Variants in ADGRL3 observed in about 807,000 individuals in gnomAD.
The protein encoded by ADGRL3 is adhesion G protein-coupled receptor L3, also known as calcium-independent alpha-latrotoxin receptor 3.
ADGRL3 carries 62 observed loss-of-function variants against 153.5 expected under a neutral mutation model. That is an observed-to-expected ratio of 0.40 (90% CI 0.33 to 0.50). The LOEUF (loss-of-function observed/expected upper bound fraction) is 0.50, where lower values mean the gene tolerates loss of function less well. ADGRL3 is among the 20% of genes least tolerant of loss of function. ADGRL3 has a pLI of 0.47. For synonymous variants in ADGRL3, 710 were observed against 672.5 expected, an observed-to-expected ratio of 1.06 and a Z score of -0.86; for missense variants, 1,641 against 1,859.4, an observed-to-expected ratio of 0.88 and a Z score of 2.16.
intron 1 of ADGRL3, among the ~76,000 whole-genome samples, chr4:61,368,236 G>C (rs2096446659): frequency 6.6e-6 from 1 of 152,052 alleles, no homozygotes; most frequent in Non-Finnish European, 1.5e-5. Flanking sequence ...AAGCTCTTTA[G>C]TTTAATTAGA....
chr4:61,930,427 A>G (rs1345826420), intron 13 of ADGRL3, among the ~76,000 whole-genome samples: 1 of 152,194 alleles, frequency 6.6e-6, no homozygotes, highest in African/African-American at 2.4e-5. Flanking sequence ...TTTCACAAAT[A>G]CATCCTCTTG....
In ADGRL3 at chr4:61,349,172, T is replaced by G. The variant is rs367926953; in HGVS notation, c.-239-33952T>G. On this transcript the variant is annotated intron_variant, in intron 1 of 26. Transcript: ENST00000683033. ...CCATGTGTAAAATTGGCAGGACTAG[T>G]TTTAAAAATAACAGAACATTTTGAA... Among the ~76,000 whole-genome samples the G allele has an allele frequency of 7.9e-5, 12 of 152,144 alleles. No individual in the cohort carries two copies. The South Asian group carries it at 2.5e-3, about 32-fold the overall frequency.
At chr4:61,781,331 CAAAA>C (rs71281828) in intron 8 of ADGRL3, among the ~76,000 whole-genome samples, 6 of 64,422 alleles carry the variant, frequency 9.3e-5, no homozygotes, top group African/African-American at 6.6e-5. Context: ...ATTCTGCCTC[CAAAA>C]AAAAAAAAAA....
At chr4:61,551,094 A>G (rs941060347) in intron 4 of ADGRL3, among the ~76,000 whole-genome samples, 1 of 152,122 alleles carries the variant, frequency 6.6e-6, no homozygotes. Flanking sequence ...ACATGTTAGT[A>G]GGCTGTAAGT....
At chr4:61,828,169 G>A (rs1020596879) in intron 9 of ADGRL3, among the ~76,000 whole-genome samples, 1 of 152,186 alleles carries the variant, frequency 6.6e-6, no homozygotes, top group African/African-American at 2.4e-5. Flanking sequence ...AATGGTCCAT[G>A]CCTTTTCTTT....
At chr4:61,964,018 T>C (rs940084060) in intron 17 of ADGRL3, among the ~76,000 whole-genome samples, 14 of 152,202 alleles carry the variant, frequency 9.2e-5, no homozygotes, top group African/African-American at 3.1e-4. Flanking sequence ...GATTATCTCA[T>C]TTAATCCATA....
At chr4:61,729,880 G>A (rs1389645158) in intron 6 of ADGRL3, among the ~76,000 whole-genome samples, 1 of 151,978 alleles carries the variant, frequency 6.6e-6, no homozygotes, top group Non-Finnish European at 1.5e-5. Context: ...ATAAGTGTAT[G>A]TTGACTCTGT....
chr4:61,995,732 G>A (rs1349522885), intron 19 of ADGRL3, among the ~76,000 whole-genome samples: 2 of 152,090 alleles, frequency 1.3e-5, no homozygotes, highest in Admixed American at 6.5e-5. Context: ...GGGATGCTAA[G>A]GATCATTTGC....
At chr4:61,750,354 G>A (rs530644116) in intron 8 of ADGRL3, among the ~76,000 whole-genome samples, 1 of 152,254 alleles carries the variant, frequency 6.6e-6, no homozygotes, top group East Asian at 1.9e-4. Flanking sequence ...TAATTAAAAT[G>A]TCACATACGT....
At chr4:61,587,139 AC>A in intron 4 of ADGRL3, 87 bp from the exon 5 acceptor site, 1 of 768,970 alleles carries the variant, frequency 1.3e-6, no homozygotes, top group Non-Finnish European at 2.1e-6. Flanking sequence ...GTATTGATTT[AC>A]CCCAAACATT....
intron 6 of ADGRL3, among the ~76,000 whole-genome samples, chr4:61,695,559 G>A (rs2095626649): frequency 6.6e-6 from 1 of 152,068 alleles, no homozygotes; most frequent in Non-Finnish European, 1.5e-5. Context: ...CCATGATTCT[G>A]AATTGCCCTA....
chr4:61,708,169 A>G (rs2095888243), intron 6 of ADGRL3, among the ~76,000 whole-genome samples: 1 of 152,116 alleles, frequency 6.6e-6, no homozygotes, highest in East Asian at 1.9e-4. Flanking sequence ...CATGAAAAGT[A>G]TCATGTGAAT....
At chr4:61,514,877 A>G (rs1286354876) in intron 3 of ADGRL3, among the ~76,000 whole-genome samples, 2 of 152,000 alleles carry the variant, frequency 1.3e-5, no homozygotes, top group African/African-American at 2.4e-5. Context: ...GATTTTTTTC[A>G]TTTAGATACA....
intron 2 of ADGRL3, among the ~76,000 whole-genome samples, chr4:61,403,795 G>C (rs1200314417): frequency 6.6e-6 from 1 of 152,024 alleles, no homozygotes; most frequent in South Asian, 2.1e-4. Context: ...TAGGTAGGTG[G>C]CGTGAGTATT....
chr4:61,432,217 A>G (rs1404606142), intron 2 of ADGRL3, among the ~76,000 whole-genome samples: 2 of 152,194 alleles, frequency 1.3e-5, no homozygotes, highest in Admixed American at 1.3e-4. Flanking sequence ...AAAAAGCTTG[A>G]TTCTTTAAAA....
At chr4:62,041,865 T>G (rs748207282) in intron 24 of ADGRL3, among the ~76,000 whole-genome samples, 1 of 152,032 alleles carries the variant, frequency 6.6e-6, no homozygotes, top group Non-Finnish European at 1.5e-5. Flanking sequence ...AAACTATATT[T>G]GGTATAGTGC....
At chr4:61,734,993 A>G (rs1561145205) in intron 8 of ADGRL3, among the ~76,000 whole-genome samples, 2 of 152,196 alleles carry the variant, frequency 1.3e-5, no homozygotes. Context: ...TTTCTGCATT[A>G]TGTTTCAAAT....
At chr4:61,859,542 A>G (rs144902586) in intron 9 of ADGRL3, among the ~76,000 whole-genome samples, 7 of 152,316 alleles carry the variant, frequency 4.6e-5, no homozygotes, top group African/African-American at 1.7e-4. Context: ...TAGTGAACCA[A>G]ACTTCACATT....
intron 21 of ADGRL3, among the ~76,000 whole-genome samples, chr4:62,013,452 G>A (rs1048432716): frequency 2.0e-5 from 3 of 151,830 alleles, no homozygotes; most frequent in Non-Finnish European, 4.4e-5. Flanking sequence ...TGACGCAGGA[G>A]AATCACTTGA....
Sources: gnomAD v4.1 joint callset for allele counts (sites outside exome capture counted in the v4.1 genomes callset) on GRCh38, gnomAD v4.1.1 for gene constraint, MANE v1.5 for transcripts, NCBI Gene and HGNC (gene_info 2026-07-23, HGNC 2026-07-21) for gene names.